Variants in UBE4B observed in about 807,000 individuals in gnomAD.
The protein encoded by UBE4B is ubiquitination factor E4B.
A neutral mutation model predicts 148.1 loss-of-function variants in UBE4B; 27 were observed. That is an observed-to-expected ratio of 0.18 (90% CI 0.13 to 0.25). The LOEUF is 0.25. Ranked by LOEUF, UBE4B falls within the 10% of genes least tolerant of loss-of-function variation. The probability of loss-of-function intolerance (pLI) is 1.00; values close to 1 mark genes in which losing one functional copy is unlikely to be tolerated. For synonymous variants in UBE4B, 596 were observed against 619.3 expected (o/e 0.96, Z 0.56); for missense variants, 1,170 against 1,662.4 (o/e 0.70, Z 5.15).
At chr1:10,087,049 C>A (rs1644777198) in intron 2 of UBE4B, among the ~76,000 whole-genome samples, 1 of 152,194 alleles carries the variant, frequency 6.6e-6, no homozygotes, top group African/African-American at 2.4e-5. Flanking sequence ...CAAGGCAAAT[C>A]TGTTCTTTAC....
At chr1:10,121,370 A>G (rs1468383210) in intron 9 of UBE4B, among the ~76,000 whole-genome samples, 1 of 152,074 alleles carries the variant, frequency 6.6e-6, no homozygotes, top group African/African-American at 2.4e-5. Context: ...AACAACAAAC[A>G]ACAACAAAAA....
intron 17 of UBE4B, among the ~76,000 whole-genome samples, chr1:10,137,612 G>T (rs1645711211): frequency 6.6e-6 from 1 of 152,126 alleles, no homozygotes. Context: ...ATTTACTCCT[G>T]CCTACATGTA....
chr1:10,100,700 A>G lies in UBE4B; in HGVS notation c.348-408A>G, dbSNP rs139737735. Among the ~76,000 whole-genome samples the G allele has an allele frequency of 2.3e-3, 355 of 152,240 alleles. 3 individuals carry two copies. Among genetic ancestry groups the G allele is most frequent in the Non-Finnish European group, 2.4e-3 (162 of 68,026 alleles). On this transcript the variant is annotated intron_variant, in intron 3 of 27. Coordinates refer to ENST00000343090, the MANE Select transcript of UBE4B (RefSeq NM_001105562.3). The stretch of plus-strand genomic sequence containing the variant: ...CTGCCGAGTAGCTGGGATTACAGGC[A>G]TGTGCCACCACGCCTGACTAATTTT...
rs72861456 is a variant in UBE4B, at chr1:10,114,982, G to A, written c.1197-2477G>A. Reference sequence around the variant, plus strand: ...AGGTGGCTTAGTTACCTACTCAGTCGGCAGGGAGTTGGCTGCCTTGTTCCT... The same window carrying A: ...AGGTGGCTTAGTTACCTACTCAGTCAGCAGGGAGTTGGCTGCCTTGTTCCT... On this transcript the variant is annotated intron_variant, in intron 7 of 27. Coordinates refer to ENST00000343090, the MANE Select transcript of UBE4B (RefSeq NM_001105562.3). 7.4e-3 allele frequency among the ~76,000 whole-genome samples: 1,132 copies of A among 152,160 alleles called. 22 individuals carry two copies. Among genetic ancestry groups the A allele is most frequent in the African/African-American group, 0.026 (1,084 of 41,508 alleles).
rs759105104 is a variant in UBE4B at position 10,135,223 on chromosome 1, T to A, written c.2224+37T>A. The A allele has an allele frequency of 5.1e-6, 8 of 1,570,246 alleles. No individual in the cohort carries two copies. The African/African-American group carries it at 1.1e-4, about 21-fold the overall frequency. ...GTTCGTGACTCGGTCATTAAAACACTGCCCTCTTGTCTGTGTGCTAGTAGT... is the reference window on the plus strand; with the variant it reads ...GTTCGTGACTCGGTCATTAAAACACAGCCCTCTTGTCTGTGTGCTAGTAGT... On this transcript the variant is annotated intron_variant, in intron 16 of 27. Coordinates refer to ENST00000343090, the MANE Select transcript of UBE4B (RefSeq NM_001105562.3).
chr1:10,095,432 G>A (rs750546741), intron 2 of UBE4B, 29 bp from the exon 3 acceptor site: 28 of 1,612,242 alleles, frequency 1.7e-5, no homozygotes, highest in Non-Finnish European at 2.4e-5. Flanking sequence ...TTCACATGGG[G>A]CTTCATCCTT....
At chr1:10,176,422 T>A (rs1259519435) in intron 25 of UBE4B, among the ~76,000 whole-genome samples, 1 of 152,202 alleles carries the variant, frequency 6.6e-6, no homozygotes, top group Non-Finnish European at 1.5e-5. Flanking sequence ...TGCCAGAATG[T>A]TTTCTACAGC....
At chr1:10,084,698 T>G (rs1319356595) in intron 2 of UBE4B, among the ~76,000 whole-genome samples, 1 of 151,568 alleles carries the variant, frequency 6.6e-6, no homozygotes, top group Admixed American at 6.6e-5. Context: ...TTCTTTTCTT[T>G]TTTTTCTTTT....
intron 23 of UBE4B, among the ~76,000 whole-genome samples, chr1:10,162,015 T>G (rs78011570): frequency 6.6e-6 from 1 of 151,326 alleles, no homozygotes; most frequent in South Asian, 2.1e-4. Context: ...TTTTTTTTTT[T>G]GAGACGGAGT....
At chr1:10,064,412 A>T (rs911570506) in intron 1 of UBE4B, among the ~76,000 whole-genome samples, 1 of 152,260 alleles carries the variant, frequency 6.6e-6, no homozygotes, top group South Asian at 2.1e-4. Context: ...TAGTATTTCT[A>T]TGCATACGTG....
At position 10,130,726 on chromosome 1, in the gene UBE4B, T is replaced by C; in HGVS notation, c.1824T>C (p.Val608=). 1 of 1,614,160 alleles carries C rather than the reference T, an allele frequency of 6.2e-7. No individual in the cohort carries two copies. The change falls in exon 14 of 28, where the codon GTT becomes GTC. Residue 608 remains valine (V), a synonymous_variant. Transcript: ENST00000343090. ...CCTTCTCTTTCCAGGTTAAAGTGGT[T>C]GAAAAATACTTCTCAGGGCCTGCCA... The part of the protein sequence containing the change: ...SVFAEDDVKV[V]EKYFSGPAIT...
chr1:10,105,377 C>A, intron 5 of UBE4B, 139 bp from the exon 6 acceptor site: 1 of 676,066 alleles, frequency 1.5e-6, no homozygotes. Context: ...TTAGGTTTTC[C>A]ACTAATATCC....
intron 8 of UBE4B, among the ~76,000 whole-genome samples, chr1:10,119,090 C>T (rs1645366461): frequency 6.6e-6 from 1 of 151,276 alleles, no homozygotes; most frequent in Admixed American, 6.6e-5. Context: ...ACCATGTTGG[C>T]CAGGATGGCG....
intron 2 of UBE4B, among the ~76,000 whole-genome samples, chr1:10,092,887 A>G (rs114627513): frequency 2.0e-5 from 3 of 152,076 alleles, no homozygotes; most frequent in Non-Finnish European, 4.4e-5. Context: ...GTGTTTAGAG[A>G]TTGAGGAGCA....
intron 1 of UBE4B, among the ~76,000 whole-genome samples, chr1:10,055,640 C>T (rs1353306616): frequency 6.6e-6 from 1 of 152,158 alleles, no homozygotes; most frequent in East Asian, 1.9e-4. Flanking sequence ...TGAATGCTGG[C>T]CAGGCGCAGT....
chr1:10,060,111 G>T (rs1644255990), intron 1 of UBE4B, among the ~76,000 whole-genome samples: 1 of 151,858 alleles, frequency 6.6e-6, no homozygotes, highest in Non-Finnish European at 1.5e-5. Flanking sequence ...GAAAGGTTGG[G>T]GGTAGATGAA....
chr1:10,067,580 G>A (rs1368486925), intron 1 of UBE4B, among the ~76,000 whole-genome samples: 1 of 151,868 alleles, frequency 6.6e-6, no homozygotes, highest in Non-Finnish European at 1.5e-5. Context: ...GTGATAAAAA[G>A]TGAGGTTGCA....
At chr1:10,114,601 C>T (rs1557566016) in intron 7 of UBE4B, among the ~76,000 whole-genome samples, 1 of 152,122 alleles carries the variant, frequency 6.6e-6, no homozygotes, top group Non-Finnish European at 1.5e-5. Context: ...CTGTGGCTCA[C>T]ACCTGTAATC....
intron 24 of UBE4B, 165 bp from the exon 25 acceptor site, chr1:10,170,973 T>C (rs1646330776): frequency 1.6e-6 from 1 of 606,954 alleles, no homozygotes. Context: ...GGGAGTAAAG[T>C]TGAAATATAA....
Sources: allele counts gnomAD v4.1 joint callset (sites outside exome capture counted in the v4.1 genomes callset), GRCh38; gene constraint gnomAD v4.1.1; transcripts MANE v1.5; gene names NCBI Gene and HGNC (gene_info 2026-07-23, HGNC 2026-07-21).